The following KHDRBS2 variants were observed in gnomAD, a reference collection of about 807,000 sequenced individuals.
The protein encoded by KHDRBS2 is KH RNA binding domain containing, signal transduction associated 2.
In KHDRBS2, 26 loss-of-function variants were observed where a neutral mutation model predicts 44.3. The observed-to-expected ratio is 0.59, with a 90% CI of 0.43 to 0.81. The LOEUF (loss-of-function observed/expected upper bound fraction) is 0.81, where lower values mean the gene tolerates loss of function less well. Among genes scored for constraint, KHDRBS2 ranks in the 40% least tolerant of loss-of-function variants. The probability of loss-of-function intolerance (pLI) is 0.00; values close to 1 mark genes in which losing one functional copy is unlikely to be tolerated. For missense variants in KHDRBS2, 476 were observed against 433.1 expected, an observed-to-expected ratio of 1.10 and a Z score of -0.88; for synonymous variants, 194 against 151.1, an observed-to-expected ratio of 1.28 and a Z score of -2.08.
chr6:62,156,529 TA>T (rs1486256951), intron 2 of KHDRBS2, among the ~76,000 whole-genome samples: 2 of 152,206 alleles, frequency 1.3e-5, no homozygotes, highest in Admixed American at 1.3e-4. Context: ...CAATGGGGAA[TA>T]TTTTTCACAT....
chr6:61,874,947 A>C (rs1187076132), intron 6 of KHDRBS2, among the ~76,000 whole-genome samples: 1 of 152,148 alleles, frequency 6.6e-6, no homozygotes, highest in African/African-American at 2.4e-5. Context: ...ACTTATTTGC[A>C]AAACAATATA....
At chr6:62,252,221 T>G (rs1836667929) in intron 1 of KHDRBS2, among the ~76,000 whole-genome samples, 1 of 151,890 alleles carries the variant, frequency 6.6e-6, no homozygotes, top group Non-Finnish European at 1.5e-5. Context: ...AGAAGAACAT[T>G]TCATGGTAGA....
chr6:62,189,496 T>C (rs1267877845), intron 1 of KHDRBS2, among the ~76,000 whole-genome samples: 1 of 152,104 alleles, frequency 6.6e-6, no homozygotes, highest in Admixed American at 6.6e-5. Flanking sequence ...TAATTTATTA[T>C]GCAACAATAA....
At chr6:61,929,472 G>A (rs942822840) in intron 4 of KHDRBS2, among the ~76,000 whole-genome samples, 3 of 152,118 alleles carry the variant, frequency 2.0e-5, no homozygotes, top group Non-Finnish European at 4.4e-5. Context: ...AATGTAATGT[G>A]AGTCTGCCCA....
At chr6:62,196,875 G>A (rs1455183326) in intron 1 of KHDRBS2, among the ~76,000 whole-genome samples, 3 of 152,004 alleles carry the variant, frequency 2.0e-5, no homozygotes, top group Non-Finnish European at 4.4e-5. Flanking sequence ...CTTGCCTTAT[G>A]GTGTGTGTAC....
intron 1 of KHDRBS2, among the ~76,000 whole-genome samples, chr6:62,178,937 A>G (rs1213242427): frequency 6.6e-6 from 1 of 151,594 alleles, no homozygotes; most frequent in Admixed American, 6.6e-5. Context: ...AAATTTATTT[A>G]TATTGCATTT....
chr6:62,106,527 G>A (rs538301922), intron 2 of KHDRBS2, among the ~76,000 whole-genome samples: 1 of 151,908 alleles, frequency 6.6e-6, no homozygotes, highest in South Asian at 2.1e-4. Context: ...CCTTTACCAG[G>A]TACAAGGAGG....
chr6:62,073,348 T>G (rs1009780807), intron 2 of KHDRBS2, among the ~76,000 whole-genome samples: 3 of 151,608 alleles, frequency 2.0e-5, no homozygotes, highest in African/African-American at 7.3e-5. Flanking sequence ...GTTGGCATGC[T>G]GTTGTTTGTA....
chr6:61,918,778 T>C (rs1227370155), intron 4 of KHDRBS2, among the ~76,000 whole-genome samples: 1 of 151,980 alleles, frequency 6.6e-6, no homozygotes, highest in African/African-American at 2.4e-5. Flanking sequence ...ACTGGTATTA[T>C]TGCTGCTACT....
chr6:62,075,471 C>A (rs919761237), intron 2 of KHDRBS2, among the ~76,000 whole-genome samples: 1 of 151,888 alleles, frequency 6.6e-6, no homozygotes, highest in African/African-American at 2.4e-5. Context: ...TCCTGGTATA[C>A]CAATGGTCCT....
At chr6:61,837,738 A>G (rs1176414248) in intron 6 of KHDRBS2, among the ~76,000 whole-genome samples, 1 of 152,012 alleles carries the variant, frequency 6.6e-6, no homozygotes, top group Non-Finnish European at 1.5e-5. Context: ...CCTTATGTAC[A>G]GCAATATTCA....
At chr6:62,134,155 G>A (rs1377626246) in intron 2 of KHDRBS2, among the ~76,000 whole-genome samples, 8 of 152,124 alleles carry the variant, frequency 5.3e-5, no homozygotes, top group South Asian at 2.1e-4. Flanking sequence ...CAGACCCAGA[G>A]GCCTAGGAGG....
chr6:61,979,847 C>T (rs1773474605), intron 3 of KHDRBS2, among the ~76,000 whole-genome samples: 1 of 152,112 alleles, frequency 6.6e-6, no homozygotes, highest in Non-Finnish European at 1.5e-5. Flanking sequence ...CTGGTTTGGG[C>T]ATACATGCTG....
chr6:62,063,589 A>G (rs372462422), intron 2 of KHDRBS2, among the ~76,000 whole-genome samples: 25 of 151,738 alleles, frequency 1.6e-4, no homozygotes, highest in Middle Eastern at 3.4e-3. Flanking sequence ...ACCCTTCATG[A>G]TAAAAACTCT....
chr6:61,572,049 T>C, the KHDRBS2 span, among the ~76,000 whole-genome samples: 2 of 151,942 alleles, frequency 1.3e-5, no homozygotes, highest in African/African-American at 2.4e-5. Flanking sequence ...TGAGAAGATA[T>C]ACCAAATTGA....
At chr6:61,941,968 G>GTAT (rs1207994724) in intron 4 of KHDRBS2, among the ~76,000 whole-genome samples, 2 of 151,770 alleles carry the variant, frequency 1.3e-5, no homozygotes, top group South Asian at 2.1e-4. Context: ...TATTATTATT[G>GTAT]TATTATTATT....
intron 2 of KHDRBS2, among the ~76,000 whole-genome samples, chr6:62,065,902 A>G (rs1793562626): frequency 6.6e-6 from 1 of 151,804 alleles, no homozygotes. Flanking sequence ...TGTACCATTC[A>G]TTCTGCTATA....
chr6:62,106,802 A>G (rs1180359980), intron 2 of KHDRBS2, among the ~76,000 whole-genome samples: 1 of 152,164 alleles, frequency 6.6e-6, no homozygotes, highest in Non-Finnish European at 1.5e-5. Context: ...ACAAATCAAT[A>G]AATGTAATCC....
intron 6 of KHDRBS2, among the ~76,000 whole-genome samples, chr6:61,856,128 C>A (rs577436516): frequency 1.3e-5 from 2 of 152,146 alleles, no homozygotes; most frequent in South Asian, 4.1e-4. Flanking sequence ...TCCCATCTCC[C>A]AGATATTTGA....
Sources: allele counts gnomAD v4.1 joint callset (sites outside exome capture counted in the v4.1 genomes callset), GRCh38; gene constraint gnomAD v4.1.1; transcripts MANE v1.5; gene names NCBI Gene and HGNC (gene_info 2026-07-23, HGNC 2026-07-21).